SPAG16: variants seen among roughly 807,000 people sequenced by gnomAD.
The protein encoded by SPAG16 is sperm-associated antigen 16 protein.
In SPAG16, 86 loss-of-function variants were observed where a neutral mutation model predicts 80.4. That is an observed-to-expected ratio of 1.07 (90% CI 0.90 to 1.28). The LOEUF is 1.28. Ranked by LOEUF, SPAG16 falls within the 50% of genes most tolerant of loss-of-function variation. The pLI is 0.00. For synonymous variants in SPAG16, 294 were observed against 265.9 expected (o/e 1.11, Z -1.03); for missense variants, 870 against 765.3 (o/e 1.14, Z -1.61).
At chr2:213,581,212 C>T (rs1365573718) in intron 10 of SPAG16, among the ~76,000 whole-genome samples, 1 of 151,802 alleles carries the variant, frequency 6.6e-6, no homozygotes, top group African/African-American at 2.4e-5. Flanking sequence ...GTACTGGCAA[C>T]CTTTTATACT....
intron 7 of SPAG16, among the ~76,000 whole-genome samples, chr2:213,358,672 G>A (rs2065808658): frequency 6.6e-6 from 1 of 152,024 alleles, no homozygotes; most frequent in African/African-American, 2.4e-5. Flanking sequence ...CTTTTTTCAA[G>A]GTTTTTAGCT....
chr2:213,622,579 G>T (rs926363677), intron 10 of SPAG16, among the ~76,000 whole-genome samples: 6 of 152,192 alleles, frequency 3.9e-5, no homozygotes, highest in Admixed American at 3.9e-4. Context: ...GCAGGACCTA[G>T]ACCAAACCCT....
Position 213,295,639 on chromosome 2 carries a change from G to A in SPAG16, c.137-425G>A, listed in dbSNP as rs1316814760. ...CCAAATAAAGTCACATTTTATTCATGTACTGTGAATAGTTAACTCAGGAGC... is the reference window on the plus strand; with the variant it reads ...CCAAATAAAGTCACATTTTATTCATATACTGTGAATAGTTAACTCAGGAGC... On this transcript the variant is annotated intron_variant, in intron 1 of 15. Coordinates refer to ENST00000331683, the MANE Select transcript of SPAG16 (RefSeq NM_024532.5). Among the ~76,000 whole-genome samples the A allele has an allele frequency of 2.0e-5, 3 of 151,956 alleles. No homozygotes were observed. In the East Asian group the frequency reaches 5.8e-4, roughly 29 times the overall value.
rs115284378 is a variant in SPAG16 at position 213,968,335 on chromosome 2, C to T, written c.1400+38190C>T. Among the ~76,000 whole-genome samples, 1,422 of 151,930 alleles carry T rather than the reference C, an allele frequency of 9.4e-3. 18 individuals are homozygous for T. Among genetic ancestry groups the T allele is most frequent in the Non-Finnish European group, 0.015 (990 of 67,928 alleles). On this transcript the variant is annotated intron_variant, in intron 12 of 15. Transcript: ENST00000331683. ...GATTACAGGCACCTGCCACCACACC[C>T]ACACCTGCCACCACACCTGCCACCA... is the stretch of plus-strand genomic sequence containing the variant.
At chr2:214,342,652 A>G (rs1697785944) in intron 15 of SPAG16, among the ~76,000 whole-genome samples, 1 of 152,142 alleles carries the variant, frequency 6.6e-6, no homozygotes, top group South Asian at 2.1e-4. Context: ...AGTAACAGAA[A>G]TAGAGTGCAT....
chr2:214,064,722 G>A (rs1470549497), intron 13 of SPAG16, among the ~76,000 whole-genome samples: 1 of 152,018 alleles, frequency 6.6e-6, no homozygotes. Flanking sequence ...GGGCCACATG[G>A]CAGTTTTCTA....
intron 13 of SPAG16, among the ~76,000 whole-genome samples, chr2:214,051,978 C>T (rs916466369): frequency 7.9e-5 from 12 of 151,920 alleles, no homozygotes; most frequent in Admixed American, 2.0e-4. Flanking sequence ...TTTTTTCTTC[C>T]TATGTGATTT....
intron 12 of SPAG16, among the ~76,000 whole-genome samples, chr2:213,936,892 A>C (rs2079013791): frequency 6.6e-6 from 1 of 152,182 alleles, no homozygotes; most frequent in African/African-American, 2.4e-5. Context: ...TTCTGTAGCC[A>C]ATCATAACCC....
intron 15 of SPAG16, among the ~76,000 whole-genome samples, chr2:214,273,474 T>G (rs1489198981): frequency 6.6e-6 from 1 of 152,118 alleles, no homozygotes. Context: ...TTGTGTAAGG[T>G]GTAAGGAGGG....
chr2:213,587,880 C>T (rs1249610518), intron 10 of SPAG16, among the ~76,000 whole-genome samples: 3 of 152,096 alleles, frequency 2.0e-5, no homozygotes. Flanking sequence ...CACAAATATT[C>T]GAATTAGCGT....
intron 15 of SPAG16, among the ~76,000 whole-genome samples, chr2:214,340,247 C>T (rs1469952459): frequency 3.3e-5 from 5 of 152,186 alleles, no homozygotes; most frequent in Non-Finnish European, 7.3e-5. Flanking sequence ...CAACCTCTTA[C>T]TCCACATTCA....
intron 10 of SPAG16, among the ~76,000 whole-genome samples, chr2:213,541,480 C>T (rs1033577096): frequency 2.6e-5 from 4 of 151,938 alleles, no homozygotes; most frequent in Non-Finnish European, 5.9e-5. Context: ...ATTAGCCTGG[C>T]GTGGTGGCAC....
chr2:214,020,579 A>G (rs1415346236), intron 13 of SPAG16, among the ~76,000 whole-genome samples: 1 of 152,156 alleles, frequency 6.6e-6, no homozygotes, highest in Non-Finnish European at 1.5e-5. Flanking sequence ...ATTCACAAGT[A>G]TGATCTATGA....
At chr2:213,746,428 G>A (rs999644373) in intron 10 of SPAG16, among the ~76,000 whole-genome samples, 7 of 152,156 alleles carry the variant, frequency 4.6e-5, no homozygotes, top group South Asian at 4.1e-4. Flanking sequence ...CACTGTAGCC[G>A]TTATGATGTG....
chr2:214,263,575 G>C (rs1420274696), intron 15 of SPAG16, among the ~76,000 whole-genome samples: 1 of 152,122 alleles, frequency 6.6e-6, no homozygotes, highest in African/African-American at 2.4e-5. Context: ...TGAGTCATTA[G>C]CAGCTATGGA....
intron 13 of SPAG16, among the ~76,000 whole-genome samples, chr2:214,107,170 C>A (rs1233457166): frequency 1.3e-5 from 2 of 152,110 alleles, no homozygotes; most frequent in South Asian, 2.1e-4. Context: ...CTGACAATTT[C>A]TTCTCTTCAG....
intron 10 of SPAG16, among the ~76,000 whole-genome samples, chr2:213,804,600 G>A (rs1329156430): frequency 1.3e-5 from 2 of 152,140 alleles, no homozygotes; most frequent in Non-Finnish European, 2.9e-5. Flanking sequence ...GGAGAATGGC[G>A]TGAACCCTGG....
At chr2:213,368,559 G>A (rs557318721) in intron 8 of SPAG16, among the ~76,000 whole-genome samples, 1 of 152,258 alleles carries the variant, frequency 6.6e-6, no homozygotes, top group East Asian at 1.9e-4. Context: ...TGGAAGTTCT[G>A]GCCAGGGCAA....
At chr2:214,284,739 A>T (rs1693219289) in intron 15 of SPAG16, among the ~76,000 whole-genome samples, 4 of 152,086 alleles carry the variant, frequency 2.6e-5, no homozygotes, top group Admixed American at 2.6e-4. Context: ...GTCAAACTTC[A>T]TTACCAAATT....
Sources: gnomAD v4.1 joint callset for allele counts (sites outside exome capture counted in the v4.1 genomes callset) on GRCh38, gnomAD v4.1.1 for gene constraint, MANE v1.5 for transcripts, NCBI Gene and HGNC (gene_info 2026-07-23, HGNC 2026-07-21) for gene names.